EFHD2: variants seen among roughly 807,000 people sequenced by gnomAD.
EFHD2 encodes EF-hand domain-containing protein D2.
Under a neutral mutation model 20.3 loss-of-function variants are expected in EFHD2, and 12 were observed. That is an observed-to-expected ratio of 0.59 (90% CI 0.38 to 0.96). The LOEUF is 0.96. Ranked by LOEUF, EFHD2 falls within the 40% of genes least tolerant of loss-of-function variation. The pLI is 0.00. For missense variants in EFHD2, 250 were observed against 334.3 expected (o/e 0.75, Z 1.97); for synonymous variants, 131 against 143.9 (o/e 0.91, Z 0.64).
chr1:15,415,220 A>G (rs78356043), intron 1 of EFHD2, among the ~76,000 whole-genome samples: 3,245 of 152,304 alleles, frequency 0.021, 56 homozygotes, highest in African/African-American at 0.042. Context: ...TAGAACAAAC[A>G]TGTATAGAGG....
rs140975881 is a variant in EFHD2 at position 15,426,564 on chromosome 1, G to A, written c.456+546G>A. On this transcript the variant is annotated intron_variant, in intron 2 of 3. Coordinates refer to ENST00000375980, the MANE Select transcript of EFHD2 (RefSeq NM_024329.6). The surrounding 1 kb of genome is among the most constrained non-coding windows in gnomAD (Gnocchi z 4.6). ...GACCCCAGGAAGCACAGGGTTAGGT[G>A]TGGGGACTCGAGGCCCAACTGGGGC... Among the ~76,000 whole-genome samples the A allele has an allele frequency of 6.6e-6, 1 of 152,298 alleles. No individual in the cohort carries two copies. The highest frequency in any genetic ancestry group is 2.4e-5 in the African/African-American group (1 of 41,570).
At chr1:15,410,774 A>G (rs1349420378) in intron 1 of EFHD2, among the ~76,000 whole-genome samples, 1 of 92,360 alleles carries the variant, frequency 1.1e-5, no homozygotes, top group African/African-American at 4.3e-5. Context: ...AAAGATACCC[A>G]CCCCAGTGCC....
At chr1:15,414,737 G>C (rs1462759165) in intron 1 of EFHD2, among the ~76,000 whole-genome samples, 1 of 152,238 alleles carries the variant, frequency 6.6e-6, no homozygotes, top group Non-Finnish European at 1.5e-5. Flanking sequence ...CGCAGGGTTA[G>C]AGCCCTCCTT....
rs187004339 is a variant in EFHD2, at chr1:15,412,810, C to T, written c.308+2531C>T. ...TGCGCAGCAAACTCACTTTTTTTTA[C>T]ATAGGCTGTTTCTGGTCTAGTTTGA... On this transcript the variant is annotated intron_variant, in intron 1 of 3. Transcript: ENST00000375980. 1.8e-4 allele frequency among the ~76,000 whole-genome samples: 28 copies of T among 152,292 alleles called. No individual in the cohort carries two copies. In the East Asian group the frequency reaches 4.6e-3, roughly 25 times the overall value.
chr1:15,413,414 G>A lies in EFHD2; in HGVS notation c.308+3135G>A, dbSNP rs1341619752. Reference sequence around the variant, plus strand: ...AGGCTATCCCTCATGACCCCCAAAGGTCCTTCAGCCCTGACCTGCGTATGT... The same window carrying A: ...AGGCTATCCCTCATGACCCCCAAAGATCCTTCAGCCCTGACCTGCGTATGT... On this transcript the variant is annotated intron_variant, in intron 1 of 3. Coordinates refer to ENST00000375980, the MANE Select transcript of EFHD2 (RefSeq NM_024329.6). This position sits in a 1 kb window ranked among gnomAD's most constrained non-coding sequence, Gnocchi z 4.4. Among the ~76,000 whole-genome samples, 2 of 152,192 alleles carry A rather than the reference G, an allele frequency of 1.3e-5. No individual in the cohort carries two copies. The highest frequency in any genetic ancestry group is 3.9e-4 in the East Asian group (2 of 5,156).
chr1:15,428,704 C>T lies in EFHD2; in HGVS notation c.703C>T (p.Leu235=). ...MKQRKAAFKE[L]QSTFK ...GCAGCGGAAAGCGGCCTTCAAGGAGCTGCAGTCCACCTTTAAGTAGCGGGG... is the reference window on the plus strand; with the variant it reads ...GCAGCGGAAAGCGGCCTTCAAGGAGTTGCAGTCCACCTTTAAGTAGCGGGG... The change falls in exon 4 of 4, where the codon CTG becomes TTG. Residue 235 remains leucine (L), a synonymous_variant. Coordinates refer to ENST00000375980, the MANE Select transcript of EFHD2 (RefSeq NM_024329.6). The T allele has an allele frequency of 1.3e-6, 2 of 1,593,998 alleles. No homozygotes were observed. The highest frequency in any genetic ancestry group is 1.7e-6 in the Non-Finnish European group (2 of 1,171,188).
rs1707596236 is a variant in EFHD2 at position 15,413,849 on chromosome 1, G to A, written c.308+3570G>A. Among the ~76,000 whole-genome samples the A allele has an allele frequency of 6.6e-6, 1 of 152,200 alleles. No homozygotes were observed. Among genetic ancestry groups the A allele is most frequent in the Non-Finnish European group, 1.5e-5 (1 of 68,030 alleles). On this transcript the variant is annotated intron_variant, in intron 1 of 3. Transcript: ENST00000375980. This position sits in a 1 kb window ranked among gnomAD's most constrained non-coding sequence, Gnocchi z 4.4. ...CCAGTGCCAGGCACAAGGAGGCTCT[G>A]CGTCTCCCTGGCCCTCGCAGCCAGG... is the stretch of plus-strand genomic sequence containing the variant.
chr1:15,427,139 C>T lies in EFHD2; in HGVS notation c.457-11C>T. 1 of 1,610,864 alleles carries T rather than the reference C, an allele frequency of 6.2e-7. No homozygotes were observed. The highest frequency in any genetic ancestry group is 8.5e-7 in the Non-Finnish European group (1 of 1,178,654). ...CCTTCCTGACACCGCGCGCCTCCCT[C>T]CCCGCTGCAGTTCCTCCTGATCTTC... On this transcript the variant is annotated splice_polypyrimidine_tract_variant and intron_variant, in intron 2 of 3. Coordinates refer to ENST00000375980, the MANE Select transcript of EFHD2 (RefSeq NM_024329.6).
Position 15,428,737 on chromosome 1 carries a change from C to G in EFHD2, c.*13C>G. ...CACCTTTAAGTAGCGGGGGCTGCAG[C>G]CGACCGCCCTGCTCCGGCCCCAGTG... On this transcript the variant is annotated 3_prime_UTR_variant, in exon 4 of 4. Transcript: ENST00000375980. 1 of 1,569,236 alleles carries G rather than the reference C, an allele frequency of 6.4e-7. No individual in the cohort carries two copies. The highest frequency in any genetic ancestry group is 8.6e-7 in the Non-Finnish European group (1 of 1,158,238).
intron 1 of EFHD2, among the ~76,000 whole-genome samples, chr1:15,417,112 ATAATCCGCAC>A (rs1405585628): frequency 6.6e-6 from 1 of 152,120 alleles, no homozygotes; most frequent in Non-Finnish European, 1.5e-5. Flanking sequence ...CGCCCAGCCC[ATAATCCGCAC>A]TGTAACCAGC....
chr1:15,419,446 G>A (rs767035165), intron 1 of EFHD2, among the ~76,000 whole-genome samples: 1 of 152,236 alleles, frequency 6.6e-6, no homozygotes, highest in Non-Finnish European at 1.5e-5. Context: ...TCCCAAACAG[G>A]CACCAAGCTG....
Position 15,429,371 on chromosome 1 carries a change from G to A in EFHD2, c.*647G>A, listed in dbSNP as rs1707927583. The stretch of plus-strand genomic sequence containing the variant: ...GCCCCCAGCACCCCATGCTGACTTG[G>A]AGAACCCCAGATCTCTGGGGCCCAG... On this transcript the variant is annotated 3_prime_UTR_variant, in exon 4 of 4. Transcript: ENST00000375980. The A allele has an allele frequency of 1.3e-5, 2 of 152,972 alleles. No individual in the cohort carries two copies. The highest frequency in any genetic ancestry group is 2.9e-5 in the Non-Finnish European group (2 of 68,296). 9.5% of individuals were successfully genotyped at this position (152,972 alleles called of 1,614,324 possible).
At position 15,425,919 on chromosome 1, in the gene EFHD2, C is replaced by G; in HGVS notation, c.357C>G (p.Leu119=). 1 of 1,606,482 alleles carries G rather than the reference C, an allele frequency of 6.2e-7. No homozygotes were observed. Among genetic ancestry groups the G allele is most frequent in the Non-Finnish European group, 8.5e-7 (1 of 1,176,996 alleles). The change falls in exon 2 of 4, where the codon CTC becomes CTG. Residue 119 remains leucine (L), a synonymous_variant. Coordinates refer to ENST00000375980, the MANE Select transcript of EFHD2 (RefSeq NM_024329.6). ...DGFIDLMELK[L]MMEKLGAPQT... ...TCATCGACCTGATGGAGCTAAAACT[C>G]ATGATGGAGAAACTTGGGGCCCCTC...
rs1707917375 is a variant in EFHD2, at chr1:15,428,808, C to T, written c.*84C>T. 3 of 1,535,034 alleles carry T rather than the reference C, an allele frequency of 2.0e-6. No individual in the cohort carries two copies. The highest frequency in any genetic ancestry group is 2.0e-5 in the Admixed American group (1 of 50,036). ...TGGGAGGCCGAGCCTGAATCCTTGC[C>T]TGTGTCTGACGGGACCACTACTAAA... On this transcript the variant is annotated 3_prime_UTR_variant, in exon 4 of 4. Coordinates refer to ENST00000375980, the MANE Select transcript of EFHD2 (RefSeq NM_024329.6).
chr1:15,428,819 G>GGGA lies in EFHD2; in HGVS notation c.*96_*98dup. 2 of 1,521,102 alleles carry GGGA rather than the reference G, an allele frequency of 1.3e-6. No homozygotes were observed. The highest frequency in any genetic ancestry group is 1.8e-6 in the Non-Finnish European group (2 of 1,127,192). 94.2% of individuals were successfully genotyped at this position (1,521,102 alleles called of 1,614,324 possible). On this transcript the variant is annotated 3_prime_UTR_variant, in exon 4 of 4. Coordinates refer to ENST00000375980, the MANE Select transcript of EFHD2 (RefSeq NM_024329.6). ...GCCTGAATCCTTGCCTGTGTCTGAC[G>GGGA]GGACCACTACTAAAAACCTAAAAAT...
At position 15,426,999 on chromosome 1, in the gene EFHD2, C is replaced by A; in HGVS notation, c.457-151C>A. 2 of 1,056,346 alleles carry A rather than the reference C, an allele frequency of 1.9e-6. No homozygotes were observed. Among genetic ancestry groups the A allele is most frequent in the Non-Finnish European group, 2.7e-6 (2 of 743,884 alleles). 65.4% of individuals were successfully genotyped at this position (1,056,346 alleles called of 1,614,324 possible). On this transcript the variant is annotated intron_variant, in intron 2 of 3. Transcript: ENST00000375980. The surrounding 1 kb of genome is among the most constrained non-coding windows in gnomAD (Gnocchi z 4.6). ...TGGGCAGAGGCCCAGTGAAGGGGCTCACGGGAGCAGCAAGGGGCGAGACCC... is the reference window on the plus strand; with the variant it reads ...TGGGCAGAGGCCCAGTGAAGGGGCTAACGGGAGCAGCAAGGGGCGAGACCC...
At chr1:15,418,890 G>T (rs1465020733) in intron 1 of EFHD2, among the ~76,000 whole-genome samples, 1 of 152,226 alleles carries the variant, frequency 6.6e-6, no homozygotes, top group African/African-American at 2.4e-5. Flanking sequence ...GGGCTAAGTC[G>T]CTTCCCCTCT....
chr1:15,424,190 A>C (rs1243071266), intron 1 of EFHD2, among the ~76,000 whole-genome samples: 1 of 151,958 alleles, frequency 6.6e-6, no homozygotes, highest in Non-Finnish European at 1.5e-5. Flanking sequence ...AAAGAAAAAA[A>C]AAAAAAAGAA....
chr1:15,422,791 G>A (rs375226331), intron 1 of EFHD2, among the ~76,000 whole-genome samples: 1 of 152,162 alleles, frequency 6.6e-6, no homozygotes, highest in Non-Finnish European at 1.5e-5. Flanking sequence ...AACCCAGGAG[G>A]CAGAGCTTGC....
Sources: allele counts gnomAD v4.1 joint callset (sites outside exome capture counted in the v4.1 genomes callset), GRCh38; gene constraint gnomAD v4.1.1; non-coding constraint Gnocchi (gnomAD v3.1); transcripts MANE v1.5; gene names NCBI Gene and HGNC (gene_info 2026-07-23, HGNC 2026-07-21).